The following CFAP92 variants were observed in gnomAD, a reference collection of about 807,000 sequenced individuals.
CFAP92 encodes cilia and flagella associated protein 92 (putative).
In CFAP92, 86 loss-of-function variants were observed where a neutral mutation model predicts 106.3. That is an observed-to-expected ratio of 0.81 (90% CI 0.68 to 0.97). The LOEUF (loss-of-function observed/expected upper bound fraction) is 0.97, where lower values mean the gene tolerates loss of function less well. Ranked by LOEUF, CFAP92 falls within the 50% of genes least tolerant of loss-of-function variation. The probability of loss-of-function intolerance (pLI) is 0.00; values close to 1 mark genes in which losing one functional copy is unlikely to be tolerated. For missense variants in CFAP92, 1,204 were observed against 1,283.8 expected (o/e 0.94, Z 0.95); for synonymous variants, 477 against 506.4 (o/e 0.94, Z 0.78).
rs1385600710 is a variant in CFAP92, at chr3:129,001,741, A to G, written n.117+833T>C. On this transcript the variant is annotated intron_variant and non_coding_transcript_variant, in intron 1 of 4. Transcript: ENST00000510149. Reference sequence around the variant, plus strand: ...CTGCTGAGCGCCCTGGCGCACCACTACGGGCTGGACCGCGGCGTGGAGAAC... The same window carrying G: ...CTGCTGAGCGCCCTGGCGCACCACTGCGGGCTGGACCGCGGCGTGGAGAAC... The G allele has an allele frequency of 2.6e-6, 4 of 1,536,724 alleles. No individual in the cohort carries two copies. In the South Asian group the frequency reaches 4.8e-5, roughly 19 times the overall value.
chr3:128,947,892 T>C (rs1328598446), intron 9 of CFAP92, among the ~76,000 whole-genome samples: 1 of 151,826 alleles, frequency 6.6e-6, no homozygotes, highest in South Asian at 2.1e-4. Context: ...TATTAAAGCA[T>C]TGAGAAGAAA....
At chr3:128,947,725 C>T (rs1025490121) in intron 9 of CFAP92, among the ~76,000 whole-genome samples, 3 of 152,120 alleles carry the variant, frequency 2.0e-5, no homozygotes, top group African/African-American at 7.2e-5. Context: ...AATCCCAGCA[C>T]TTTGGGAGGC....
intron 9 of CFAP92, among the ~76,000 whole-genome samples, chr3:128,957,138 G>A (rs1941502747): frequency 6.6e-6 from 1 of 152,186 alleles, no homozygotes; most frequent in South Asian, 2.1e-4. Context: ...AAGGCGAAAG[G>A]AAGTTCTTGA....
chr3:129,021,192 A>T, the CFAP92 span, among the ~76,000 whole-genome samples: 3 of 152,214 alleles, frequency 2.0e-5, no homozygotes, highest in African/African-American at 7.2e-5. Flanking sequence ...CCTGCTGGAC[A>T]TTTATGCTGC....
chr3:128,920,323 GAACC>G (rs1288190946), intron 12 of CFAP92, among the ~76,000 whole-genome samples: 1 of 151,978 alleles, frequency 6.6e-6, no homozygotes, highest in Non-Finnish European at 1.5e-5. Flanking sequence ...AGAATTGCTT[GAACC>G]CAGGAGGCGG....
chr3:128,987,707 C>A lies in CFAP92; in HGVS notation c.576G>T (p.Trp192Cys), dbSNP rs1943945480. Residue 192 changes from tryptophan to cysteine, a missense_variant, in exon 4 of 16, where the codon TGG (tryptophan) becomes TGT (cysteine). By Grantham distance (215) the Trp-to-Cys change is radical. Coordinates refer to ENST00000645291, the MANE Select transcript of CFAP92 (RefSeq NM_001394090.1). ...TTCTTGACATCTTGTCTTTAGTGTT[C>A]CAGAGCCTCAAGGTGATTTTGTGGA... ...INFHKITLRL[W>C]NTKDKMSRKV... The A allele has an allele frequency of 1.9e-6, 3 of 1,613,970 alleles. No individual in the cohort carries two copies. The highest frequency in any genetic ancestry group is 2.5e-6 in the Non-Finnish European group (3 of 1,179,862).
chr3:128,912,419 A>T (rs913891418), intron 15 of CFAP92: 302 of 1,211,256 alleles, frequency 2.5e-4, no homozygotes, highest in Non-Finnish European at 3.4e-4. Flanking sequence ...GGGTGGGCTG[A>T]CTTTGTGGAA....
intron 12 of CFAP92, among the ~76,000 whole-genome samples, chr3:128,925,948 A>G (rs1181740041): frequency 6.6e-6 from 1 of 152,226 alleles, no homozygotes; most frequent in Non-Finnish European, 1.5e-5. Flanking sequence ...AAAATACCCA[A>G]AAAATCTAAT....
At position 128,945,194 on chromosome 3, in the gene CFAP92, T is replaced by G; in HGVS notation, c.2135A>C (p.Gln712Pro). ...LSAFKVRVRV[Q>P]EQQHLDVLTG... ...GAGCACATCCAGGTGCTGCTGCTCCTGGACCCGCACACGCACCTTGAAGGC... is the reference window on the plus strand; with the variant it reads ...GAGCACATCCAGGTGCTGCTGCTCCGGGACCCGCACACGCACCTTGAAGGC... Residue 712 changes from glutamine to proline, a missense_variant, in exon 10 of 16, where the codon CAG becomes CCG. Physicochemically the swap from Gln to Pro is moderately conservative, Grantham distance 76. Coordinates refer to ENST00000645291, the MANE Select transcript of CFAP92 (RefSeq NM_001394090.1). The G allele has an allele frequency of 6.5e-7, 1 of 1,536,192 alleles. No homozygotes were observed. The highest frequency in any genetic ancestry group is 8.7e-7 in the Non-Finnish European group (1 of 1,146,932).
At chr3:128,926,116 GAAAA>G in intron 12 of CFAP92, among the ~76,000 whole-genome samples, 1 of 152,330 alleles carries the variant, frequency 6.6e-6, no homozygotes, top group Middle Eastern at 3.4e-3. Flanking sequence ...TTTAAATGGA[GAAAA>G]TAAATAAATT....
chr3:128,997,609 A>G (rs114031925), upstream of CFAP92, among the ~76,000 whole-genome samples: 569 of 152,276 alleles, frequency 3.7e-3, 1 homozygote, highest in African/African-American at 0.013. Context: ...TATGTTTCCA[A>G]GGTTTATTTA....
the CFAP92 span, among the ~76,000 whole-genome samples, chr3:129,018,177 A>G: frequency 6.6e-6 from 1 of 152,192 alleles, no homozygotes; most frequent in Admixed American, 6.5e-5. Context: ...CCTTGGGAGT[A>G]AAGATGAGAC....
intron 4 of CFAP92, among the ~76,000 whole-genome samples, chr3:128,986,430 G>C (rs1159077675): frequency 6.6e-6 from 1 of 151,880 alleles, no homozygotes; most frequent in Non-Finnish European, 1.5e-5. Flanking sequence ...TATAGAGACA[G>C]GGTCTTGCCA....
intron 9 of CFAP92, among the ~76,000 whole-genome samples, chr3:128,960,991 C>A (rs1941862971): frequency 6.6e-6 from 1 of 152,150 alleles, no homozygotes; most frequent in Non-Finnish European, 1.5e-5. Flanking sequence ...CTATGGGCAA[C>A]CTTCCACCCT....
chr3:128,952,635 A>G (rs922214152), intron 9 of CFAP92, among the ~76,000 whole-genome samples: 11 of 152,122 alleles, frequency 7.2e-5, no homozygotes, highest in African/African-American at 2.7e-4. Context: ...TAAAGAATAA[A>G]CAAGGTGTGG....
intron 1 of CFAP92, chr3:129,002,053 T>C (rs1944799340): frequency 6.5e-7 from 1 of 1,540,128 alleles, no homozygotes; most frequent in Non-Finnish European, 8.7e-7. Context: ...GAGCTCACCT[T>C]CCGCCAGTTC....
intron 12 of CFAP92, among the ~76,000 whole-genome samples, chr3:128,927,019 G>A (rs538794026): frequency 1.6e-4 from 24 of 152,030 alleles, no homozygotes; most frequent in South Asian, 4.2e-4. Flanking sequence ...GTTTGAACCC[G>A]GGAGGTGGAG....
In CFAP92 at chr3:128,935,201, T is replaced by C. The variant is rs965517892; in HGVS notation, c.2377A>G (p.Thr793Ala). 2.0e-6 allele frequency: 3 copies of C among 1,536,020 alleles called. No homozygotes were observed. The highest frequency in any genetic ancestry group is 2.6e-6 in the Non-Finnish European group (3 of 1,146,840). Residue 793 changes from threonine to alanine, a missense_variant, in exon 11 of 16, where the codon ACG becomes GCG. Thr to Ala is a moderately conservative substitution (Grantham distance 58). Transcript: ENST00000645291. ...ACCGCCTGCTGCAGCAGCAGCTCCG[T>C]GGGCTGGAAGAGGTGCACGTGGTAC... ...ILYHVHLFQP[T>A]ELLLQQAVFF...
At chr3:128,915,752 C>T (rs536478363) in intron 13 of CFAP92, among the ~76,000 whole-genome samples, 189 bp from the exon 14 acceptor site, 16 of 152,300 alleles carry the variant, frequency 1.1e-4, no homozygotes, top group African/African-American at 3.1e-4. Flanking sequence ...TGGGAGAAGC[C>T]GTTTCCTAAA....
Sources: gnomAD v4.1 joint callset for allele counts (sites outside exome capture counted in the v4.1 genomes callset) on GRCh38, gnomAD v4.1.1 for gene constraint, MANE v1.5 for transcripts, NCBI Gene and HGNC (gene_info 2026-07-23, HGNC 2026-07-21) for gene names.